Variants in C1orf21 observed in about 807,000 individuals in gnomAD.
The protein encoded by C1orf21 is chromosome 1 open reading frame 21.
C1orf21 carries 3 observed loss-of-function variants against 18.7 expected under a neutral mutation model. The observed-to-expected ratio is 0.16, with a 90% CI of 0.07 to 0.42. C1orf21 has a LOEUF of 0.42. C1orf21 is among the 10% of genes least tolerant of loss of function. The pLI, the probability that C1orf21 is intolerant of heterozygous loss-of-function variation, is 0.99. For missense variants in C1orf21, 104 were observed against 143.6 expected (o/e 0.72, Z 1.41); for synonymous variants, 41 against 46.4 (o/e 0.88, Z 0.47).
intron 1 of C1orf21, among the ~76,000 whole-genome samples, chr1:184,405,705 G>A (rs1165299906): frequency 2.0e-5 from 3 of 152,214 alleles, no homozygotes; most frequent in Non-Finnish European, 4.4e-5. Context: ...AGAAATTACA[G>A]CAGAGCTGTT....
rs1479197179 is a variant in C1orf21, at chr1:184,617,700, C to G, written c.328-1818C>G. Among the ~76,000 whole-genome samples, 6 of 152,066 alleles carry G rather than the reference C, an allele frequency of 3.9e-5. No homozygotes were observed. The East Asian group carries it at 5.8e-4, about 15-fold the overall frequency. On this transcript the variant is annotated intron_variant, in intron 5 of 5. Transcript: ENST00000235307. The stretch of plus-strand genomic sequence containing the variant: ...GGTTTTGTGCAGCAAGTAAAACAAG[C>G]CTAGAGATGACACTGGACTCAGACA...
At chr1:184,524,627 T>C (rs1658352771) in intron 3 of C1orf21, among the ~76,000 whole-genome samples, 1 of 152,100 alleles carries the variant, frequency 6.6e-6, no homozygotes, top group Non-Finnish European at 1.5e-5. Flanking sequence ...TATATAGAAC[T>C]AGGGTTTTTT....
At chr1:184,616,024 G>T (rs1659818082) in intron 5 of C1orf21, among the ~76,000 whole-genome samples, 1 of 152,122 alleles carries the variant, frequency 6.6e-6, no homozygotes. Context: ...TTGAACACTA[G>T]AATGTATTCC....
At chr1:184,495,069 C>G (rs1261620462) in intron 2 of C1orf21, among the ~76,000 whole-genome samples, 2 of 152,212 alleles carry the variant, frequency 1.3e-5, no homozygotes, top group African/African-American at 4.8e-5. Context: ...TCATTTCATT[C>G]AACCTGAGAG....
At chr1:184,551,533 CAGGATCTGGGCACTGAATCTG>C (rs1558000810) in intron 3 of C1orf21, among the ~76,000 whole-genome samples, 1 of 152,174 alleles carries the variant, frequency 6.6e-6, no homozygotes, top group Non-Finnish European at 1.5e-5. Context: ...CTGGAAGGAC[CAGGATCTGGGCACTGAATCTG>C]AGGATCTTCC....
At chr1:184,392,537 C>T (rs1655983955) in intron 1 of C1orf21, among the ~76,000 whole-genome samples, 2 of 152,090 alleles carry the variant, frequency 1.3e-5, no homozygotes, top group South Asian at 4.2e-4. Context: ...CAGACTTCAC[C>T]ACTACACAAT....
At chr1:184,581,636 A>G (rs1659278460) in intron 3 of C1orf21, among the ~76,000 whole-genome samples, 1 of 107,666 alleles carries the variant, frequency 9.3e-6, no homozygotes, top group Non-Finnish European at 1.7e-5. Flanking sequence ...TCCCAGTGGA[A>G]TTTATATCAT....
Position 184,622,097 on chromosome 1 carries a change from T to G in C1orf21, c.*2541T>G, listed in dbSNP as rs948605812. ...CTAAAACAAAAATATTTTGCCTTTTTTTCCCCACGTGTATCTGAACATTAA... is the reference window on the plus strand; with the variant it reads ...CTAAAACAAAAATATTTTGCCTTTTGTTCCCCACGTGTATCTGAACATTAA... On this transcript the variant is annotated 3_prime_UTR_variant, in exon 6 of 6. Transcript: ENST00000235307. The G allele has an allele frequency of 1.3e-5, 2 of 152,244 alleles. No homozygotes were observed. The highest frequency in any genetic ancestry group is 2.9e-5 in the Non-Finnish European group (2 of 68,038). 9.4% of individuals were successfully genotyped at this position (152,244 alleles called of 1,614,324 possible).
intron 3 of C1orf21, among the ~76,000 whole-genome samples, chr1:184,519,840 G>T (rs969704008): frequency 2.0e-5 from 3 of 152,136 alleles, no homozygotes; most frequent in South Asian, 2.1e-4. Flanking sequence ...GACTTCATTT[G>T]TGAGCAAATA....
intron 3 of C1orf21, among the ~76,000 whole-genome samples, chr1:184,536,256 T>C (rs759842230): frequency 1.3e-5 from 2 of 152,234 alleles, no homozygotes; most frequent in Non-Finnish European, 2.9e-5. Flanking sequence ...ACGTACAATG[T>C]TGGCGTACAC....
intron 3 of C1orf21, chr1:184,566,903 C>A: frequency 2.0e-6 from 1 of 507,472 alleles, no homozygotes; most frequent in Admixed American, 2.1e-5. Flanking sequence ...GCTGTATTGT[C>A]TTCTCCATCC....
At chr1:184,504,517 CAG>C (rs1658024258) in intron 2 of C1orf21, among the ~76,000 whole-genome samples, 1 of 152,206 alleles carries the variant, frequency 6.6e-6, no homozygotes. Context: ...TTCATTCGCT[CAG>C]AGGCTGGTTG....
intron 3 of C1orf21, among the ~76,000 whole-genome samples, chr1:184,508,427 G>A (rs570911447): frequency 1.3e-5 from 2 of 152,158 alleles, no homozygotes; most frequent in Admixed American, 1.3e-4. Context: ...ACCTATATTT[G>A]CTTTTTTCAT....
chr1:184,419,140 A>G (rs1170853224), intron 1 of C1orf21, among the ~76,000 whole-genome samples: 1 of 152,096 alleles, frequency 6.6e-6, no homozygotes, highest in African/African-American at 2.4e-5. Flanking sequence ...CAGAAAGCCC[A>G]GCACAGGCAG....
intron 3 of C1orf21, chr1:184,567,808 G>T (rs987221762): frequency 1.3e-5 from 3 of 230,828 alleles, no homozygotes; most frequent in South Asian, 1.3e-4. Context: ...AAGGCCCTCC[G>T]CATACTAGCT....
intron 1 of C1orf21, among the ~76,000 whole-genome samples, chr1:184,423,148 A>G (rs1656572772): frequency 6.6e-6 from 1 of 152,222 alleles, no homozygotes; most frequent in Non-Finnish European, 1.5e-5. Flanking sequence ...TATGATAAGC[A>G]ATAAACAATT....
At chr1:184,503,077 C>CAAAAA (rs199599189) in intron 2 of C1orf21, among the ~76,000 whole-genome samples, 5 of 61,626 alleles carry the variant, frequency 8.1e-5, no homozygotes, top group South Asian at 6.0e-4. Context: ...GAAACTGTCT[C>CAAAAA]AAAAAAAAAA....
chr1:184,542,406 C>G (rs1159697008), intron 3 of C1orf21: 1 of 152,182 alleles, frequency 6.6e-6, no homozygotes, highest in African/African-American at 2.4e-5. Context: ...CAAACCCAAG[C>G]AGGCTGGCTG....
intron 3 of C1orf21, among the ~76,000 whole-genome samples, chr1:184,534,849 C>A (rs1044722560): frequency 1.3e-5 from 2 of 151,790 alleles, no homozygotes; most frequent in Admixed American, 6.6e-5. Context: ...AGGCAGAGGT[C>A]GTAAATATGG....
Sources: gnomAD v4.1 joint callset for allele counts (sites outside exome capture counted in the v4.1 genomes callset) on GRCh38, gnomAD v4.1.1 for gene constraint, MANE v1.5 for transcripts, NCBI Gene and HGNC (gene_info 2026-07-23, HGNC 2026-07-21) for gene names.